Variants in NRG3 observed in about 807,000 individuals in gnomAD.
NRG3 encodes the protein neuregulin 3.
Under a neutral mutation model 66.9 loss-of-function variants are expected in NRG3, and 31 were observed. That is an observed-to-expected ratio of 0.46 (90% CI 0.35 to 0.63). The LOEUF is 0.63. Among genes scored for constraint, NRG3 ranks in the 20% least tolerant of loss-of-function variants. The pLI, the probability that NRG3 is intolerant of heterozygous loss-of-function variation, is 0.00. For synonymous variants in NRG3, 393 were observed against 359.4 expected, an observed-to-expected ratio of 1.09 and a Z score of -1.06; for missense variants, 910 against 878.9, an observed-to-expected ratio of 1.04 and a Z score of -0.45.
rs80255120 is a variant in NRG3 at position 82,289,492 on chromosome 10, A to G, written c.824-69247A>G. Among the ~76,000 whole-genome samples the G allele has an allele frequency of 2.4e-3, 355 of 149,432 alleles. 3 individuals are homozygous for G. Among genetic ancestry groups the G allele is most frequent in the Non-Finnish European group, 4.5e-3 (297 of 65,924 alleles). On this transcript the variant is annotated intron_variant, in intron 1 of 8. Coordinates refer to ENST00000372141, the MANE Select transcript of NRG3 (RefSeq NM_001010848.4). Reference sequence around the variant, plus strand: ...TAGACTTATTAAAGAAAGAAATAATAGTAGATTAGATTGAAGTTTATCCTT... The same window carrying G: ...TAGACTTATTAAAGAAAGAAATAATGGTAGATTAGATTGAAGTTTATCCTT...
intron 1 of NRG3, among the ~76,000 whole-genome samples, chr10:81,909,464 G>A (rs911631297): frequency 6.6e-6 from 1 of 152,072 alleles, no homozygotes; most frequent in Non-Finnish European, 1.5e-5. Context: ...TGAGGGTGTT[G>A]GTGATATTGA....
chr10:82,112,350 C>T (rs891092986), intron 1 of NRG3, among the ~76,000 whole-genome samples: 2 of 152,016 alleles, frequency 1.3e-5, no homozygotes, highest in Non-Finnish European at 1.5e-5. Context: ...AGGGGTCTTC[C>T]AGAGAGGTGC....
intron 1 of NRG3, among the ~76,000 whole-genome samples, chr10:82,067,253 A>G (rs2133291566): frequency 6.6e-6 from 1 of 152,322 alleles, no homozygotes; most frequent in Non-Finnish European, 1.5e-5. Flanking sequence ...CTTTAGAAAA[A>G]CAAGCATTAG....
intron 2 of NRG3, among the ~76,000 whole-genome samples, chr10:82,618,173 C>A (rs1261058423): frequency 6.6e-6 from 1 of 152,142 alleles, no homozygotes; most frequent in Non-Finnish European, 1.5e-5. Context: ...TTGTCTTTGA[C>A]TTTGGCAGGG....
chr10:82,217,381 G>A (rs4112653), intron 1 of NRG3, among the ~76,000 whole-genome samples: 16,867 of 152,142 alleles, frequency 0.11, 1,046 homozygotes, highest in Middle Eastern at 0.18. Context: ...TTAGGACCAC[G>A]TGGGAACTTG....
At chr10:82,272,332 G>C (rs1036675137) in intron 1 of NRG3, among the ~76,000 whole-genome samples, 1 of 152,044 alleles carries the variant, frequency 6.6e-6, no homozygotes, top group Non-Finnish European at 1.5e-5. Context: ...GTTTGGAAAG[G>C]AGTGTTAAAA....
chr10:82,317,203 A>ATTT (rs557938157), intron 1 of NRG3, among the ~76,000 whole-genome samples: 3 of 142,552 alleles, frequency 2.1e-5, no homozygotes, highest in African/African-American at 7.7e-5. Context: ...GGTAGAATAG[A>ATTT]TTTTTTTTTT....
rs190002289 is a variant in NRG3, at chr10:82,268,430, A to G, written c.824-90309A>G. Among the ~76,000 whole-genome samples the G allele has an allele frequency of 1.2e-4, 18 of 152,220 alleles. No individual in the cohort carries two copies. In the East Asian group the frequency reaches 1.7e-3, roughly 15 times the overall value. On this transcript the variant is annotated intron_variant, in intron 1 of 8. Transcript: ENST00000372141. ...AGTTTTTCTTGCCCTGATAGAATCT[A>G]TGCCACTTAATTCTCAAAACCCTGT... is the stretch of plus-strand genomic sequence containing the variant.
chr10:82,764,916 A>G (rs2059462202), intron 3 of NRG3, among the ~76,000 whole-genome samples: 1 of 152,138 alleles, frequency 6.6e-6, no homozygotes, highest in Admixed American at 6.6e-5. Flanking sequence ...GGTTCCTGCC[A>G]TGCTCCTTAT....
intron 2 of NRG3, among the ~76,000 whole-genome samples, chr10:82,546,125 G>A (rs1056800555): frequency 1.3e-5 from 2 of 152,080 alleles, no homozygotes; most frequent in African/African-American, 4.8e-5. Flanking sequence ...TGGCCACCTT[G>A]CAGGTAGAAT....
At chr10:82,153,126 A>T in intron 1 of NRG3, among the ~76,000 whole-genome samples, 1 of 152,088 alleles carries the variant, frequency 6.6e-6, no homozygotes. Flanking sequence ...TTTATCAGCT[A>T]TGGTCACCAT....
intron 1 of NRG3, among the ~76,000 whole-genome samples, chr10:82,000,217 G>A (rs546764820): frequency 6.6e-6 from 1 of 152,240 alleles, no homozygotes; most frequent in Non-Finnish European, 1.5e-5. Flanking sequence ...AATTTAAGTA[G>A]CATAGAAAAA....
chr10:82,559,234 A>C (rs1014329973), intron 2 of NRG3, among the ~76,000 whole-genome samples: 1 of 152,084 alleles, frequency 6.6e-6, no homozygotes, highest in African/African-American at 2.4e-5. Flanking sequence ...TCAGGTCCTC[A>C]AGATGCAGAT....
chr10:82,323,505 G>C (rs944370581), intron 1 of NRG3, among the ~76,000 whole-genome samples: 1 of 129,914 alleles, frequency 7.7e-6, no homozygotes, highest in African/African-American at 3.2e-5. Context: ...TTTTTTTTTT[G>C]GATTAAGTTC....
At chr10:82,822,515 T>C (rs1447357555) in intron 3 of NRG3, among the ~76,000 whole-genome samples, 1 of 151,840 alleles carries the variant, frequency 6.6e-6, no homozygotes, top group Non-Finnish European at 1.5e-5. Flanking sequence ...GGTCATAACT[T>C]GCTCTACACA....
At chr10:82,549,260 G>GA (rs536060323) in intron 2 of NRG3, among the ~76,000 whole-genome samples, 1 of 152,070 alleles carries the variant, frequency 6.6e-6, no homozygotes, top group Non-Finnish European at 1.5e-5. Context: ...TAGAGCTAGG[G>GA]AAAAAAATGA....
At chr10:82,720,001 G>A (rs868294028) in intron 2 of NRG3, among the ~76,000 whole-genome samples, 3 of 152,106 alleles carry the variant, frequency 2.0e-5, no homozygotes, top group Admixed American at 6.5e-5. Flanking sequence ...ACTTAACTGT[G>A]CCATTAAGTG....
chr10:82,237,532 C>A (rs1022025210), intron 1 of NRG3, among the ~76,000 whole-genome samples: 4 of 151,896 alleles, frequency 2.6e-5, no homozygotes, highest in Admixed American at 6.6e-5. Flanking sequence ...CTACTTCATT[C>A]ATTCATTCAT....
intron 1 of NRG3, among the ~76,000 whole-genome samples, chr10:82,052,244 T>G (rs2063634059): frequency 6.6e-6 from 1 of 152,146 alleles, no homozygotes; most frequent in Admixed American, 6.6e-5. Flanking sequence ...ACATTTAGTC[T>G]TTCCTAAAAA....
Sources: allele counts gnomAD v4.1 joint callset (sites outside exome capture counted in the v4.1 genomes callset), GRCh38; gene constraint gnomAD v4.1.1; transcripts MANE v1.5; gene names NCBI Gene and HGNC (gene_info 2026-07-23, HGNC 2026-07-21).